SCN3A: variants seen among roughly 807,000 people sequenced by gnomAD.
SCN3A encodes sodium channel protein type 3 subunit alpha.
A neutral mutation model predicts 187.6 loss-of-function variants in SCN3A; 60 were observed. The observed-to-expected ratio is 0.32, with a 90% confidence interval of 0.26 to 0.40. The LOEUF (loss-of-function observed/expected upper bound fraction) is 0.40. SCN3A is among the 10% of genes least tolerant of loss of function. The probability of loss-of-function intolerance (pLI) is 1.00; values close to 1 mark genes in which losing one functional copy is unlikely to be tolerated. For missense variants in SCN3A, 1,601 were observed against 2,428.2 expected (o/e 0.66, Z 7.16); for synonymous variants, 788 against 829.2 (o/e 0.95, Z 0.85).
chr2:165,164,513 A>T lies in SCN3A; in HGVS notation c.481T>A (p.Phe161Ile). Residue 161 changes from phenylalanine (F) to isoleucine (I), a missense_variant, in exon 6 of 28, where the codon TTC becomes ATC. Physicochemically the swap from Phe to Ile is conservative, Grantham distance 21 (BLOSUM62 0). This residue lies in a region of SCN3A where 122 missense variants were observed against 225.1 expected (regional missense o/e 0.54). Coordinates refer to ENST00000283254, the MANE Select transcript of SCN3A (RefSeq NM_006922.4). ...PDWTKNVEYT[F>I]TGIYTFESLI... Reference sequence around the variant, plus strand: ...GACTCAAAGGTATAGATTCCAGTGAATGTGTACCTAGGAAAAACATCCAAG... The same window carrying T: ...GACTCAAAGGTATAGATTCCAGTGATTGTGTACCTAGGAAAAACATCCAAG... The T allele has an allele frequency of 6.2e-7, 1 of 1,613,682 alleles. No homozygotes were observed. Among genetic ancestry groups the T allele is most frequent in the Non-Finnish European group, 8.5e-7 (1 of 1,179,722 alleles).
At chr2:165,187,975 A>G (rs1691344804) in intron 1 of SCN3A, among the ~76,000 whole-genome samples, 2 of 152,250 alleles carry the variant, frequency 1.3e-5, no homozygotes, top group African/African-American at 4.8e-5. Context: ...ACTAAGTTTT[A>G]AATACTTTGA....
At chr2:165,112,777 C>T in intron 21 of SCN3A, 108 bp downstream of exon 21, 1 of 978,448 alleles carries the variant, frequency 1.0e-6, no homozygotes, top group South Asian at 1.4e-5. Flanking sequence ...GTTTAAATAA[C>T]TGCATAATTA....
chr2:165,096,728 A>C lies in SCN3A; in HGVS notation c.4240-208T>G, dbSNP rs116224822. Reference sequence around the variant, plus strand: ...TCCTTTTTTTTCTTGAAAGTATTCTATTTTCTTCCTACACTAAAATTTAGT... The same window carrying C: ...TCCTTTTTTTTCTTGAAAGTATTCTCTTTTCTTCCTACACTAAAATTTAGT... On this transcript the variant is annotated intron_variant, in intron 23 of 27. Coordinates refer to ENST00000283254, the MANE Select transcript of SCN3A (RefSeq NM_006922.4). 6.7e-3 allele frequency among the ~76,000 whole-genome samples: 1,026 copies of C among 152,156 alleles called. 12 individuals are homozygous for C. The highest frequency in any genetic ancestry group is 0.023 in the African/African-American group (960 of 41,514).
intron 21 of SCN3A, among the ~76,000 whole-genome samples, chr2:165,105,270 T>A (rs1433376017): frequency 6.6e-6 from 1 of 152,170 alleles, no homozygotes; most frequent in African/African-American, 2.4e-5. Context: ...TCAGAACATC[T>A]AAACAGTTAT....
At chr2:165,112,751 C>T (rs1686182175) in intron 21 of SCN3A, 134 bp downstream of exon 21, 1 of 758,934 alleles carries the variant, frequency 1.3e-6, no homozygotes, top group Non-Finnish European at 2.2e-6. Context: ...CTCATTGTTG[C>T]ATATGTTACA....
intron 15 of SCN3A, among the ~76,000 whole-genome samples, chr2:165,133,896 G>T (rs1441880909): frequency 6.6e-6 from 1 of 152,036 alleles, no homozygotes; most frequent in Non-Finnish European, 1.5e-5. Context: ...ATTACTGAAA[G>T]TTATTAAAAA....
chr2:165,151,016 A>G lies in SCN3A; in HGVS notation c.1380+3436T>C, dbSNP rs114362373. ...AATTCAAATGTAGAACTTTCTGGCA[A>G]GCATGAGGTATATTTTAAAATATTT... is the stretch of plus-strand genomic sequence containing the variant. On this transcript the variant is annotated intron_variant, in intron 11 of 27. Transcript: ENST00000283254. Among the ~76,000 whole-genome samples the G allele has an allele frequency of 5.5e-3, 841 of 152,300 alleles. 3 individuals are homozygous for G. Among genetic ancestry groups the G allele is most frequent in the Non-Finnish European group, 7.6e-3 (517 of 68,010 alleles).
At chr2:165,153,678 A>G (rs910692784) in intron 11 of SCN3A, among the ~76,000 whole-genome samples, 5 of 152,146 alleles carry the variant, frequency 3.3e-5, no homozygotes, top group African/African-American at 1.2e-4. Context: ...CAGAAATGAG[A>G]TACTTATTAG....
At chr2:165,135,114 G>T (rs1455660372) in intron 15 of SCN3A, among the ~76,000 whole-genome samples, 2 of 151,974 alleles carry the variant, frequency 1.3e-5, no homozygotes, top group Non-Finnish European at 2.9e-5. Context: ...GCATTGTCAG[G>T]TAAGTTGGAA....
At chr2:165,132,753 A>G (rs1479112597) in intron 15 of SCN3A, among the ~76,000 whole-genome samples, 11 of 152,210 alleles carry the variant, frequency 7.2e-5, no homozygotes, top group Admixed American at 2.0e-4. Context: ...ACCAAAAGCA[A>G]TGGCGACAAA....
At chr2:165,199,034 G>C (rs1326601230) in intron 1 of SCN3A, among the ~76,000 whole-genome samples, 1 of 151,994 alleles carries the variant, frequency 6.6e-6, no homozygotes, top group Non-Finnish European at 1.5e-5. Flanking sequence ...TTGGAATTTA[G>C]TGAATTATTC....
chr2:165,142,910 C>T (rs568084070), intron 12 of SCN3A, among the ~76,000 whole-genome samples: 1 of 152,144 alleles, frequency 6.6e-6, no homozygotes, highest in South Asian at 2.1e-4. Context: ...CGCCACCACA[C>T]CTGGCTAAGT....
chr2:165,150,234 C>T (rs576996354), intron 11 of SCN3A, among the ~76,000 whole-genome samples: 70 of 152,260 alleles, frequency 4.6e-4, no homozygotes, highest in African/African-American at 1.7e-3. Flanking sequence ...CCGTGACTAG[C>T]CCTAGGTGGC....
intron 21 of SCN3A, among the ~76,000 whole-genome samples, chr2:165,100,688 C>T (rs1245522734): frequency 6.6e-6 from 1 of 152,092 alleles, no homozygotes; most frequent in Non-Finnish European, 1.5e-5. Flanking sequence ...CCATGGACCC[C>T]TTTTCAACTT....
intron 1 of SCN3A, among the ~76,000 whole-genome samples, chr2:165,193,045 G>A (rs1691711624): frequency 6.8e-6 from 1 of 146,982 alleles, no homozygotes; most frequent in African/African-American, 2.7e-5. Context: ...CAATCTTATT[G>A]TTTTCTTTTT....
chr2:165,139,709 G>C, intron 13 of SCN3A, 101 bp from the exon 14 acceptor site: 1 of 1,445,732 alleles, frequency 6.9e-7, no homozygotes, highest in Admixed American at 1.7e-5. Context: ...AATTTTTCCA[G>C]GTAAGAATTT....
intron 26 of SCN3A, 184 bp downstream of exon 26, chr2:165,094,189 CT>C: frequency 1.4e-5 from 9 of 640,606 alleles, no homozygotes; most frequent in Admixed American, 7.6e-5. Flanking sequence ...ACATTACCTC[CT>C]TTTTTTGGAA....
intron 2 of SCN3A, among the ~76,000 whole-genome samples, chr2:165,185,159 G>A (rs1424933433): frequency 3.3e-5 from 5 of 151,830 alleles, no homozygotes; most frequent in Non-Finnish European, 7.4e-5. Flanking sequence ...GATATTTTCT[G>A]TGACTTCGTC....
intron 21 of SCN3A, among the ~76,000 whole-genome samples, chr2:165,103,886 G>T (rs2105674113): frequency 6.6e-6 from 1 of 152,168 alleles, no homozygotes; most frequent in Non-Finnish European, 1.5e-5. Flanking sequence ...AGATCCATAA[G>T]CATTCTCATT....
Sources: gnomAD v4.1 joint callset for allele counts (sites outside exome capture counted in the v4.1 genomes callset) on GRCh38, gnomAD v4.1.1 for gene constraint, gnomAD v4.1.1 regional missense constraint, MANE v1.5 for transcripts, NCBI Gene and HGNC (gene_info 2026-07-23, HGNC 2026-07-21) for gene names.